Variants in KLHL1 observed in about 807,000 individuals in gnomAD.
KLHL1 encodes kelch like family member 1.
Under a neutral mutation model 77.7 loss-of-function variants are expected in KLHL1, and 47 were observed. That is an observed-to-expected ratio of 0.60 (90% CI 0.48 to 0.77). KLHL1 has a LOEUF of 0.77. Among genes scored for constraint, KLHL1 ranks in the 30% least tolerant of loss-of-function variants. The pLI, the probability that KLHL1 is intolerant of heterozygous loss-of-function variation, is 0.00. For missense variants in KLHL1, 925 were observed against 910.8 expected (o/e 1.02, Z -0.20); for synonymous variants, 360 against 325.2 (o/e 1.11, Z -1.15).
chr13:69,842,815 G>A (rs1879318560), intron 5 of KLHL1, among the ~76,000 whole-genome samples: 1 of 151,688 alleles, frequency 6.6e-6, no homozygotes, highest in Non-Finnish European at 1.5e-5. Flanking sequence ...AATGAATAAA[G>A]AAAATGTGGT....
At chr13:70,047,980 T>A (rs1447076632) in intron 1 of KLHL1, among the ~76,000 whole-genome samples, 2 of 152,148 alleles carry the variant, frequency 1.3e-5, no homozygotes, top group Non-Finnish European at 2.9e-5. Flanking sequence ...TTTAAATAAG[T>A]CATTGATGAG....
rs1318165402 is a variant in KLHL1, at chr13:69,780,694, ATATATATGTATATATATATATG to A, written c.1639+16022_1639+16043del. On this transcript the variant is annotated intron_variant, in intron 7 of 10. Coordinates refer to ENST00000377844, the MANE Select transcript of KLHL1 (RefSeq NM_020866.3). The stretch of plus-strand genomic sequence containing the variant: ...CTGAATTCTCTTTCTTCATATATAT[ATATATATGTATATATATATATG>A]TATATATATATATATACATATATAT... Among the ~76,000 whole-genome samples, 134 of 17,140 alleles carry A rather than the reference ATATATATGTATATATATATATG, an allele frequency of 7.8e-3. 2 individuals carry two copies. Among genetic ancestry groups the A allele is most frequent in the African/African-American group, 0.044 (121 of 2,724 alleles). The allele number at this position is 17,140 out of a possible 152,430, so 11.2% of individuals were successfully genotyped here.
At chr13:69,712,119 T>G (rs891911858) in intron 9 of KLHL1, among the ~76,000 whole-genome samples, 1 of 152,084 alleles carries the variant, frequency 6.6e-6, no homozygotes, top group Non-Finnish European at 1.5e-5. Context: ...ACACTTTTGT[T>G]GGTATATGTA....
At position 69,787,098 on chromosome 13, in the gene KLHL1, A is replaced by G. The variant is rs1218216449; in HGVS notation, c.1639+9640T>C. On this transcript the variant is annotated intron_variant, in intron 7 of 10. Transcript: ENST00000377844. ...GGCCATACTGCCCAAGGTAATTTAT[A>G]GATTCAATGCCATCCCCATCAAGCT... Among the ~76,000 whole-genome samples the G allele has an allele frequency of 2.0e-5, 3 of 152,230 alleles. No homozygotes were observed. The East Asian group carries it at 5.8e-4, about 29-fold the overall frequency.
At chr13:70,098,489 A>T (rs963238789) in intron 1 of KLHL1, among the ~76,000 whole-genome samples, 1 of 151,880 alleles carries the variant, frequency 6.6e-6, no homozygotes, top group African/African-American at 2.4e-5. Flanking sequence ...ACTACAATTT[A>T]TGAGACACTC....
At chr13:69,953,484 C>A (rs187952631) in intron 3 of KLHL1, among the ~76,000 whole-genome samples, 95 of 150,976 alleles carry the variant, frequency 6.3e-4, no homozygotes, top group Non-Finnish European at 7.9e-4. Context: ...AAAAATTAGG[C>A]CATGATTTTA....
At chr13:69,849,834 T>C (rs929141074) in intron 5 of KLHL1, among the ~76,000 whole-genome samples, 6 of 151,652 alleles carry the variant, frequency 4.0e-5, no homozygotes, top group African/African-American at 1.4e-4. Context: ...CATTCTTGAA[T>C]CTATTAATTT....
At chr13:69,730,610 A>G (rs1372478109) in intron 8 of KLHL1, among the ~76,000 whole-genome samples, 1 of 152,050 alleles carries the variant, frequency 6.6e-6, no homozygotes, top group Admixed American at 6.6e-5. Flanking sequence ...ATCTTGCTCT[A>G]TCACCCAGGC....
At chr13:69,820,805 C>T (rs1203370477) in intron 6 of KLHL1, among the ~76,000 whole-genome samples, 1 of 152,188 alleles carries the variant, frequency 6.6e-6, no homozygotes, top group Non-Finnish European at 1.5e-5. Context: ...ACAGAAACTG[C>T]CCACTCCAGC....
At chr13:69,850,894 A>G (rs930759770) in intron 5 of KLHL1, among the ~76,000 whole-genome samples, 1 of 151,600 alleles carries the variant, frequency 6.6e-6, no homozygotes, top group Non-Finnish European at 1.5e-5. Flanking sequence ...TTTGTCTTTA[A>G]TGTGGCTTTT....
chr13:70,071,248 T>C (rs1454617781), intron 1 of KLHL1, among the ~76,000 whole-genome samples: 1 of 151,890 alleles, frequency 6.6e-6, no homozygotes, highest in African/African-American at 2.4e-5. Context: ...CTAAACAGAC[T>C]TAAAAATTAG....
chr13:69,923,891 C>A (rs1882723974), intron 4 of KLHL1, among the ~76,000 whole-genome samples: 1 of 152,178 alleles, frequency 6.6e-6, no homozygotes, highest in South Asian at 2.1e-4. Context: ...CATCTCTGCA[C>A]TCTTGGGGGC....
In KLHL1 at chr13:69,940,007, T is replaced by C. The variant is rs745489091; in HGVS notation, c.1014+33A>G. Reference sequence around the variant, plus strand: ...TTTTTACCTCTGATAACACAGAGTGTGTCTCCATTATTAAAACATTAAGTT... The same window carrying C: ...TTTTTACCTCTGATAACACAGAGTGCGTCTCCATTATTAAAACATTAAGTT... On this transcript the variant is annotated intron_variant, in intron 4 of 10. Transcript: ENST00000377844. The C allele has an allele frequency of 1.1e-5, 16 of 1,492,200 alleles. No homozygotes were observed. The Admixed American group carries it at 3.1e-4, about 29-fold the overall frequency. The allele number at this position is 1,492,200 out of a possible 1,614,324, so 92.4% of individuals were successfully genotyped here.
intron 1 of KLHL1, among the ~76,000 whole-genome samples, chr13:70,045,454 G>T (rs1404618086): frequency 6.6e-6 from 1 of 151,976 alleles, no homozygotes; most frequent in African/African-American, 2.4e-5. Flanking sequence ...CCATCTGTCA[G>T]AAAGAGGGCT....
chr13:70,057,538 A>G (rs2093187634), intron 1 of KLHL1, among the ~76,000 whole-genome samples: 2 of 146,220 alleles, frequency 1.4e-5, no homozygotes. Context: ...GCACTTTGGG[A>G]GGCCGAGGCG....
chr13:69,813,482 A>C (rs1252119730), intron 6 of KLHL1, among the ~76,000 whole-genome samples: 1 of 60,168 alleles, frequency 1.7e-5, no homozygotes, highest in Admixed American at 1.3e-4. Flanking sequence ...ACACACACAT[A>C]CACACACACA....
At chr13:69,936,776 G>A (rs1009726257) in intron 4 of KLHL1, among the ~76,000 whole-genome samples, 1 of 152,130 alleles carries the variant, frequency 6.6e-6, no homozygotes, top group African/African-American at 2.4e-5. Flanking sequence ...TTCTACTGAA[G>A]ATTTCAACCT....
chr13:69,915,820 G>T (rs1035767231), intron 4 of KLHL1, among the ~76,000 whole-genome samples: 2 of 151,672 alleles, frequency 1.3e-5, no homozygotes, highest in Non-Finnish European at 2.9e-5. Flanking sequence ...TACAAAATGG[G>T]AGAAAATTTT....
At chr13:69,909,156 CAAGACAGA>C in intron 4 of KLHL1, among the ~76,000 whole-genome samples, 1 of 150,758 alleles carries the variant, frequency 6.6e-6, no homozygotes, top group East Asian at 1.9e-4. Context: ...AGTGGATGCT[CAAGACAGA>C]AAGAGAGAGA....
Sources: allele counts gnomAD v4.1 joint callset (sites outside exome capture counted in the v4.1 genomes callset), GRCh38; gene constraint gnomAD v4.1.1; transcripts MANE v1.5; gene names NCBI Gene and HGNC (gene_info 2026-07-23, HGNC 2026-07-21).